ROBO2: variants seen among roughly 807,000 people sequenced by gnomAD.
ROBO2 encodes roundabout guidance receptor 2.
Under a neutral mutation model 160.8 loss-of-function variants are expected in ROBO2, and 53 were observed. The observed-to-expected ratio is 0.33, with a 90% CI of 0.26 to 0.41. The LOEUF (loss-of-function observed/expected upper bound fraction) is 0.41, where lower values mean the gene tolerates loss of function less well. ROBO2 is among the 10% of genes least tolerant of loss of function. ROBO2 has a pLI of 1.00. For missense variants in ROBO2, 1,577 were observed against 1,722.4 expected (o/e 0.92, Z 1.49); for synonymous variants, 664 against 611.7 (o/e 1.09, Z -1.26).
chr3:76,944,463 G>A (rs1201882769), intron 2 of ROBO2, among the ~76,000 whole-genome samples: 1 of 152,080 alleles, frequency 6.6e-6, no homozygotes, highest in Non-Finnish European at 1.5e-5. Context: ...AAATCCACAG[G>A]TATTGTAATT....
intron 2 of ROBO2, among the ~76,000 whole-genome samples, chr3:76,660,559 TA>T (rs539080050): frequency 2.1e-4 from 32 of 152,274 alleles, no homozygotes; most frequent in African/African-American, 7.7e-4. Context: ...CTGCACCAAA[TA>T]AAAACATTAA....
At chr3:77,480,790 A>T (rs982740489) in intron 3 of ROBO2, among the ~76,000 whole-genome samples, 1 of 152,176 alleles carries the variant, frequency 6.6e-6, no homozygotes, top group Non-Finnish European at 1.5e-5. Context: ...ATAGCAATTT[A>T]TTCAAATGAA....
chr3:77,596,728 G>T (rs1240685637), exon 19 of ROBO2: 1 of 1,613,250 alleles, frequency 6.2e-7, no homozygotes, highest in Non-Finnish European at 8.5e-7. Flanking sequence ...GCCCAAATGA[G>T]ATTGGAAATT....
Position 77,215,341 on chromosome 3 carries a change from CACTGA to C in ROBO2, c.388+117002_388+117006del, listed in dbSNP as rs1322747195. Reference sequence around the variant, plus strand: ...TCATTTCATTCATTTGGTCTTCCATCACTGATACCCTTTCTTCCAGTTGATCGCAT... The same window carrying C: ...TCATTTCATTCATTTGGTCTTCCATCTACCCTTTCTTCCAGTTGATCGCAT... On this transcript the variant is annotated intron_variant, in intron 2 of 25. Transcript: ENST00000461745. 2.0e-5 allele frequency among the ~76,000 whole-genome samples: 3 copies of C among 152,168 alleles called. No individual in the cohort carries two copies. The East Asian group carries it at 5.8e-4, about 29-fold the overall frequency.
chr3:76,169,593 A>T (rs529776662), intron 2 of ROBO2, among the ~76,000 whole-genome samples: 1 of 152,174 alleles, frequency 6.6e-6, no homozygotes, highest in Non-Finnish European at 1.5e-5. Flanking sequence ...ACAGGAAATA[A>T]TGTATCTCTC....
intron 2 of ROBO2, among the ~76,000 whole-genome samples, chr3:77,337,832 T>C (rs891088042): frequency 7.9e-5 from 12 of 152,198 alleles, no homozygotes; most frequent in African/African-American, 2.4e-4. Context: ...TAGTAAGGTC[T>C]TTTAAATGTA....
chr3:76,930,687 G>A (rs34214468), intron 2 of ROBO2, among the ~76,000 whole-genome samples: 68,213 of 151,972 alleles, frequency 0.45, 15,639 homozygotes, highest in African/African-American at 0.54. Flanking sequence ...ATACAGTTCT[G>A]GTCAAAATCT....
intron 2 of ROBO2, among the ~76,000 whole-genome samples, chr3:76,912,982 A>G (rs1430250911): frequency 6.6e-6 from 1 of 152,180 alleles, no homozygotes. Context: ...TTATACGTCC[A>G]AAGAGCACAC....
At chr3:76,844,568 T>C (rs943841330) in intron 2 of ROBO2, among the ~76,000 whole-genome samples, 2 of 151,970 alleles carry the variant, frequency 1.3e-5, no homozygotes, top group African/African-American at 4.8e-5. Flanking sequence ...GATTTTTCTC[T>C]CCAAGCCTCA....
intron 2 of ROBO2, among the ~76,000 whole-genome samples, chr3:76,703,727 T>C (rs1576101269): frequency 2.0e-5 from 3 of 152,286 alleles, no homozygotes; most frequent in East Asian, 3.9e-4. Context: ...TATTCTATGG[T>C]ATATATTTGC....
chr3:76,752,784 A>G (rs1465105309), intron 2 of ROBO2, among the ~76,000 whole-genome samples: 1 of 150,828 alleles, frequency 6.6e-6, no homozygotes, highest in Non-Finnish European at 1.5e-5. Flanking sequence ...ATTTGCACTC[A>G]GAATCTTTAA....
At chr3:77,449,904 G>T (rs993467591) in intron 2 of ROBO2, among the ~76,000 whole-genome samples, 1 of 151,858 alleles carries the variant, frequency 6.6e-6, no homozygotes, top group East Asian at 1.9e-4. Context: ...GATGCACAAT[G>T]GGCTTTTTAT....
At chr3:76,802,399 T>C (rs946485824) in intron 2 of ROBO2, among the ~76,000 whole-genome samples, 9 of 152,144 alleles carry the variant, frequency 5.9e-5, no homozygotes, top group African/African-American at 1.2e-4. Context: ...TTCCAGCATA[T>C]TGGAGATAAT....
At chr3:76,015,450 C>T (rs1005129654) in intron 2 of ROBO2, among the ~76,000 whole-genome samples, 4 of 68,082 alleles carry the variant, frequency 5.9e-5, no homozygotes, top group Admixed American at 2.0e-4. Context: ...ATTTGCAATT[C>T]CTCCATAATA....
intron 2 of ROBO2, among the ~76,000 whole-genome samples, chr3:77,283,537 C>T (rs766698867): frequency 1.3e-5 from 2 of 152,090 alleles, no homozygotes; most frequent in Non-Finnish European, 2.9e-5. Context: ...AGTATACATA[C>T]CAACTACTCT....
At chr3:77,354,960 G>A (rs1393693371) in intron 2 of ROBO2, among the ~76,000 whole-genome samples, 1 of 152,200 alleles carries the variant, frequency 6.6e-6, no homozygotes, top group Non-Finnish European at 1.5e-5. Flanking sequence ...CAAGTTTGTT[G>A]AAGTAGAATT....
Position 76,000,586 on chromosome 3 carries a change from T to C in ROBO2, c.109+62984T>C, listed in dbSNP as rs951035382. Among the ~76,000 whole-genome samples the C allele has an allele frequency of 2.0e-5, 3 of 151,078 alleles. No individual in the cohort carries two copies. The Admixed American group carries it at 2.0e-4, about 10-fold the overall frequency. ...TCACTGCAAGCTCCGCCTCCCGGGT[T>C]CATGCCATTCTCCTGCCTCAGCCTC... is the stretch of plus-strand genomic sequence containing the variant. On this transcript the variant is annotated intron_variant, in intron 2 of 26. Coordinates refer to the ROBO2 transcript ENST00000487694.
At chr3:77,494,555 G>A (rs1258935264) in intron 5 of ROBO2, among the ~76,000 whole-genome samples, 2 of 152,100 alleles carry the variant, frequency 1.3e-5, no homozygotes, top group Non-Finnish European at 2.9e-5. Context: ...TCCAGCCTGG[G>A]CGACAGAGTG....
chr3:76,409,807 A>C lies in ROBO2; in HGVS notation c.109+472205A>C, dbSNP rs139163816. Among the ~76,000 whole-genome samples the C allele has an allele frequency of 3.5e-3, 528 of 152,266 alleles. 2 individuals are homozygous for C. The highest frequency in any genetic ancestry group is 0.012 in the African/African-American group (500 of 41,574). On this transcript the variant is annotated intron_variant, in intron 2 of 26. Transcript: ENST00000487694. Reference sequence around the variant, plus strand: ...CAACAAAAAAATTGGCACAGTGTTCAGATAAGAATATGCCTTAAATAAGCG... The same window carrying C: ...CAACAAAAAAATTGGCACAGTGTTCCGATAAGAATATGCCTTAAATAAGCG...
Sources: gnomAD v4.1 joint callset for allele counts (sites outside exome capture counted in the v4.1 genomes callset) on GRCh38, gnomAD v4.1.1 for gene constraint, MANE v1.5 for transcripts, NCBI Gene and HGNC (gene_info 2026-07-23, HGNC 2026-07-21) for gene names.